Variants in TEX2 observed in about 807,000 individuals in gnomAD.
TEX2 encodes the protein testis expressed 2.
TEX2 carries 53 observed loss-of-function variants against 106.9 expected under a neutral mutation model. That is an observed-to-expected ratio of 0.50 (90% confidence interval 0.40 to 0.62). The LOEUF (loss-of-function observed/expected upper bound fraction) is 0.62, where lower values mean the gene tolerates loss of function less well. Ranked by LOEUF, TEX2 falls within the 20% of genes least tolerant of loss-of-function variation. The probability of loss-of-function intolerance (pLI) is 0.00; values close to 1 mark genes in which losing one functional copy is unlikely to be tolerated. For missense variants in TEX2, 1,207 were observed against 1,379.0 expected (o/e 0.88, Z 1.98); for synonymous variants, 523 against 534.8 (o/e 0.98, Z 0.30).
At chr17:64,206,033 A>C (rs1258114750) in intron 2 of TEX2, among the ~76,000 whole-genome samples, 1 of 152,202 alleles carries the variant, frequency 6.6e-6, no homozygotes, top group Non-Finnish European at 1.5e-5. Context: ...AAACATGTAG[A>C]AAGTTAGTGT....
intron 3 of TEX2, 84 bp downstream of exon 3, chr17:64,194,811 G>T (rs1333309367): frequency 7.5e-7 from 1 of 1,329,662 alleles, no homozygotes; most frequent in Non-Finnish European, 1.1e-6. Context: ...CCTTTTTAGG[G>T]TATAAAAAAA....
In TEX2 at chr17:64,217,066, C is replaced by T. The variant is rs545145096; in HGVS notation, c.-25-2824G>A. 6.6e-6 allele frequency among the ~76,000 whole-genome samples: 1 copy of T among 152,182 alleles called. No individual in the cohort carries two copies. Among genetic ancestry groups the T allele is most frequent in the Non-Finnish European group, 1.5e-5 (1 of 68,032 alleles). ...GAGCATCACTACTGCTCTTTAAATA[C>T]AAGAAAATGTCCAGGCTTCTGTTTG... On this transcript the variant is annotated intron_variant, in intron 1 of 11. Transcript: ENST00000584379. The surrounding 1 kb of genome is among the most constrained non-coding windows in gnomAD (Gnocchi z 4.3).
chr17:64,251,766 C>T (rs546999686), intron 1 of TEX2, among the ~76,000 whole-genome samples: 19 of 152,282 alleles, frequency 1.2e-4, no homozygotes, highest in Admixed American at 3.9e-4. Context: ...AATCCAGCAA[C>T]AGCAGGAAGC....
chr17:64,206,247 G>A (rs889058075), intron 2 of TEX2, among the ~76,000 whole-genome samples: 3 of 152,214 alleles, frequency 2.0e-5, no homozygotes, highest in Non-Finnish European at 4.4e-5. Flanking sequence ...CACAGGGGGT[G>A]TCACTACAGG....
At chr17:64,245,344 G>C (rs541460645) in intron 1 of TEX2, among the ~76,000 whole-genome samples, 1 of 152,216 alleles carries the variant, frequency 6.6e-6, no homozygotes, top group East Asian at 1.9e-4. Context: ...TATTTAAATG[G>C]AATAGTTCCT....
At chr17:64,196,986 T>TTTTTTTTTTTC (rs2032494091) in intron 2 of TEX2, among the ~76,000 whole-genome samples, 1 of 140,690 alleles carries the variant, frequency 7.1e-6, no homozygotes, top group Non-Finnish European at 1.5e-5. Flanking sequence ...ATCAAGATTT[T>TTTTTTTTTTTC]TTTTTTTTTT....
chr17:64,213,470 A>G lies in TEX2; in HGVS notation c.748T>C (p.Phe250Leu). The change falls in exon 2 of 12, where the codon TTC becomes CTC. Residue 250 changes from phenylalanine to leucine, a missense_variant. Physicochemically the swap from Phe to Leu is conservative, Grantham distance 22 (BLOSUM62 0). Coordinates refer to ENST00000584379, the MANE Select transcript of TEX2 (RefSeq NM_001288732.2). This position sits in a 1 kb window ranked among gnomAD's most constrained non-coding sequence, Gnocchi z 4.4. ...SKLNLHLFKQ[F>L]TQPRNTGGDS... is the part of the protein sequence containing the mutation. ...CCACCTGTGTTTCGGGGCTGTGTGA[A>G]CTGCTTGAACAGGTGTAAGTTCAGT... 1 of 1,614,146 alleles carries G rather than the reference A, an allele frequency of 6.2e-7. No homozygotes were observed. The highest frequency in any genetic ancestry group is 8.5e-7 in the Non-Finnish European group (1 of 1,180,026).
rs1363534563 is a variant in TEX2 at position 64,166,574 on chromosome 17, T to A, written c.2671+4526A>T. Among the ~76,000 whole-genome samples, 3 of 152,218 alleles carry A rather than the reference T, an allele frequency of 2.0e-5. No homozygotes were observed. In the East Asian group the frequency reaches 5.8e-4, roughly 29 times the overall value. On this transcript the variant is annotated intron_variant, in intron 7 of 11. Transcript: ENST00000584379. ...GCAATCTGACTGCCCTTTCAAGTCTTCCCAGTTCTTCAAGGGTTTTGAAAA... is the reference window on the plus strand; with the variant it reads ...GCAATCTGACTGCCCTTTCAAGTCTACCCAGTTCTTCAAGGGTTTTGAAAA...
intron 5 of TEX2, among the ~76,000 whole-genome samples, chr17:64,180,071 C>A (rs1267924991): frequency 6.6e-6 from 1 of 152,194 alleles, no homozygotes; most frequent in East Asian, 1.9e-4. Flanking sequence ...TCTGAGGTTA[C>A]TGTCTTTGAG....
intron 4 of TEX2, among the ~76,000 whole-genome samples, chr17:64,190,192 A>G (rs543224286): frequency 2.0e-5 from 3 of 152,272 alleles, no homozygotes; most frequent in African/African-American, 7.2e-5. Context: ...CATTTTTGTA[A>G]CTTTTATTAT....
chr17:64,205,746 G>A lies in TEX2; in HGVS notation c.1644+6828C>T, dbSNP rs1289706238. Among the ~76,000 whole-genome samples the A allele has an allele frequency of 1.3e-5, 2 of 151,922 alleles. No homozygotes were observed. Among genetic ancestry groups the A allele is most frequent in the Admixed American group, 1.3e-4 (2 of 15,250 alleles). ...TATCCCTCTTATTAAATATCTACAT[G>A]TGACACAATCTAAAGAAAAAAAAGT... is the stretch of plus-strand genomic sequence containing the variant. On this transcript the variant is annotated intron_variant, in intron 2 of 11. Coordinates refer to ENST00000584379, the MANE Select transcript of TEX2 (RefSeq NM_001288732.2). This position sits in a 1 kb window ranked among gnomAD's most constrained non-coding sequence, Gnocchi z 4.0.
chr17:64,239,263 A>C (rs1292164066), intron 1 of TEX2: 4 of 152,196 alleles, frequency 2.6e-5, no homozygotes, highest in African/African-American at 7.2e-5. Context: ...TTCTGTTATT[A>C]CCTGCAATTA....
intron 5 of TEX2, among the ~76,000 whole-genome samples, chr17:64,181,916 C>T (rs183334383): frequency 9.3e-5 from 14 of 151,144 alleles, no homozygotes; most frequent in South Asian, 2.1e-4. Flanking sequence ...AACAGTATTG[C>T]GGTTCCTTAA....
chr17:64,151,012 A>G (rs769831269), intron 10 of TEX2, 51 bp from the exon 11 acceptor site: 2 of 1,593,540 alleles, frequency 1.3e-6, no homozygotes, highest in Admixed American at 3.5e-5. Context: ...AAGGAATGAG[A>G]CAGGCACTGA....
chr17:64,200,429 GGCATTCA>G, intron 2 of TEX2, among the ~76,000 whole-genome samples: 1 of 152,284 alleles, frequency 6.6e-6, no homozygotes, highest in African/African-American at 2.4e-5. Context: ...CACAAAGCCA[GGCATTCA>G]ACCCAGCAAC....
intron 1 of TEX2, among the ~76,000 whole-genome samples, chr17:64,221,890 G>C (rs1167248053): frequency 6.6e-6 from 1 of 152,188 alleles, no homozygotes; most frequent in Non-Finnish European, 1.5e-5. Flanking sequence ...AGGACATTAT[G>C]CTAACGAAAT....
intron 5 of TEX2, among the ~76,000 whole-genome samples, chr17:64,179,571 T>A (rs1053961771): frequency 1.3e-5 from 2 of 152,174 alleles, no homozygotes; most frequent in African/African-American, 4.8e-5. Context: ...ACTTCATTCT[T>A]GAAGTCAGTG....
At chr17:64,167,544 C>T (rs752992200) in intron 7 of TEX2, among the ~76,000 whole-genome samples, 27 of 151,996 alleles carry the variant, frequency 1.8e-4, no homozygotes, top group Non-Finnish European at 3.4e-4. Context: ...TTGAGCTGGG[C>T]GCAGTGGCTC....
intron 1 of TEX2, among the ~76,000 whole-genome samples, chr17:64,256,354 G>C (rs929269910): frequency 1.3e-5 from 2 of 152,190 alleles, no homozygotes; most frequent in East Asian, 3.9e-4. Context: ...GAAACTTCCC[G>C]AGGCCCCTTG....
Sources: allele counts gnomAD v4.1 joint callset (sites outside exome capture counted in the v4.1 genomes callset), GRCh38; gene constraint gnomAD v4.1.1; non-coding constraint Gnocchi (gnomAD v3.1); transcripts MANE v1.5; gene names NCBI Gene and HGNC (gene_info 2026-07-23, HGNC 2026-07-21).